CFAP410: variants seen among roughly 807,000 people sequenced by gnomAD.
CFAP410 encodes the protein cilia and flagella associated protein 410.
In CFAP410, 27 loss-of-function variants were observed where a neutral mutation model predicts 25.7. The ratio of observed to expected loss-of-function variants is 1.05; its 90% confidence interval spans 0.77 to 1.45. The LOEUF is 1.45. Among genes scored for constraint, CFAP410 ranks in the 40% most tolerant of loss-of-function variants. The pLI is 0.00. For synonymous variants in CFAP410, 178 were observed against 158.4 expected (o/e 1.12, Z -0.93); for missense variants, 428 against 354.1 (o/e 1.21, Z -1.67).
Position 44,337,657 on chromosome 21 carries a change from G to A in CFAP410, c.88C>T (p.Leu30Phe). The change falls in exon 2 of 7, where the codon CTC becomes TTC. Residue 30 changes from leucine (L) to phenylalanine (F), a missense_variant. Transcript: ENST00000339818. ...VRKLNCWGSR[L>F]TDISICQEMP... ...TGTGAGGCAATACTTACATCTGTGA[G>A]GCGGCTGCCCCTGGGGAGAGAAAAG... 1.9e-6 allele frequency: 3 copies of A among 1,613,072 alleles called. No individual in the cohort carries two copies. The highest frequency in any genetic ancestry group is 1.1e-5 in the South Asian group (1 of 90,912).
At chr21:44,333,645 T>C (rs930247911) in intron 3 of CFAP410, 1 of 323,222 alleles carries the variant, frequency 3.1e-6, no homozygotes, top group Non-Finnish European at 5.8e-6. Context: ...GAAAAACTCA[T>C]GGCAAAAACT....
intron 2 of CFAP410, among the ~76,000 whole-genome samples, chr21:44,337,226 T>C (rs1391238871): frequency 6.6e-6 from 1 of 152,176 alleles, no homozygotes; most frequent in African/African-American, 2.4e-5. Flanking sequence ...GCAGGGCTTA[T>C]TCTCTGCCTG....
Position 44,339,211 on chromosome 21 carries a change from C to T in CFAP410, c.-17G>A, listed in dbSNP as rs1407604820. ...CAGCTTCATGGCGGCCGCCCAGGCC[C>T]GACCGGCGGGCGCCCCCGGCCTCCT... On this transcript the variant is annotated 5_prime_UTR_variant, in exon 1 of 7. Transcript: ENST00000339818. 22 of 1,433,040 alleles carry T rather than the reference C, an allele frequency of 1.5e-5. No individual in the cohort carries two copies. The highest frequency in any genetic ancestry group is 1.9e-5 in the Non-Finnish European group (21 of 1,088,802). The allele number at this position is 1,433,040 out of a possible 1,614,324, so 88.8% of individuals were successfully genotyped here.
rs2047596896 is a variant in CFAP410 at position 44,329,324 on chromosome 21, G to A, written c.*874C>T. ...ACCCCACATGGGACAAGGGCCCAGG[G>A]ACCTGGCTTTCCTACACACCAGCTG... On this transcript the variant is annotated 3_prime_UTR_variant, in exon 7 of 7. Transcript: ENST00000339818. 1 of 152,230 alleles carries A rather than the reference G, an allele frequency of 6.6e-6. No homozygotes were observed. The highest frequency in any genetic ancestry group is 1.5e-5 in the Non-Finnish European group (1 of 68,062). The allele number at this position is 152,230 out of a possible 1,614,324, so 9.4% of individuals were successfully genotyped here. A position where few individuals can be genotyped will look rare whatever the true frequency, so the allele number is the denominator to read the frequency against.
chr21:44,331,860 G>C lies in CFAP410; in HGVS notation c.528C>G (p.Asp176Glu), dbSNP rs147363817. The change falls in exon 5 of 7, where the codon GAC (aspartate) becomes GAG (glutamate). Residue 176 changes from aspartate to glutamate, a missense_variant. Asp to Glu is a conservative substitution (Grantham distance 45). Transcript: ENST00000339818. ...AGCCTCACGTTGCCTCCTCCTCGCTGTCCAGCGGGTCCCGGCCAGTCTCAG... is the reference window on the plus strand; with the variant it reads ...AGCCTCACGTTGCCTCCTCCTCGCTCTCCAGCGGGTCCCGGCCAGTCTCAG... ...SAAETGRDPL[D>E]SEEEATSGAQ... 1.3e-4 allele frequency: 205 copies of C among 1,611,382 alleles called. 2 individuals carry two copies. Among genetic ancestry groups the C allele is most frequent in the Admixed American group, 3.3e-5 (2 of 59,884 alleles).
intron 3 of CFAP410, chr21:44,335,521 C>T (rs1256843941): frequency 5.1e-6 from 3 of 582,684 alleles, no homozygotes; most frequent in East Asian, 2.9e-5. Flanking sequence ...GCAGGGCAGG[C>T]AGGGGACAGG....
intron 1 of CFAP410, chr21:44,338,212 T>C (rs2047789716): frequency 8.6e-7 from 1 of 1,159,114 alleles, no homozygotes; most frequent in Non-Finnish European, 1.1e-6. Context: ...AAAAGCTTTT[T>C]AATTAACAGG....
chr21:44,333,220 C>T lies in CFAP410; in HGVS notation c.186G>A (p.Gln62=), dbSNP rs1443249539. 7 of 1,612,742 alleles carry T rather than the reference C, an allele frequency of 4.3e-6. No homozygotes were observed. Among genetic ancestry groups the T allele is most frequent in the Non-Finnish European group, 1.7e-6 (2 of 1,179,912 alleles). ...ISTLEPVSRC[Q]RLSELYLRRN... ...TCCGCAGGTACAGCTCACTCAGGCG[C>T]TGGCACCGGCTCACAGGCTCCAGGG... The change falls in exon 4 of 7, where the codon CAG becomes CAA. Residue 62 remains glutamine (Q), a synonymous_variant. Coordinates refer to ENST00000339818, the MANE Select transcript of CFAP410 (RefSeq NM_004928.3).
intron 3 of CFAP410, chr21:44,334,517 A>G: frequency 1.4e-5 from 1 of 72,240 alleles, no homozygotes; most frequent in South Asian, 8.3e-5. Flanking sequence ...GGGCACGCGC[A>G]CCCCCCCCCC....
Position 44,331,768 on chromosome 21 carries a change from C to A in CFAP410, c.545+75G>T. Reference sequence around the variant, plus strand: ...TCCCAGAGACGCAGCTCACGGGAAGCCCCATTCACTCCCCGTGGGAGGACC... The same window carrying A: ...TCCCAGAGACGCAGCTCACGGGAAGACCCATTCACTCCCCGTGGGAGGACC... On this transcript the variant is annotated intron_variant, in intron 5 of 6. Coordinates refer to ENST00000339818, the MANE Select transcript of CFAP410 (RefSeq NM_004928.3). The A allele has an allele frequency of 2.1e-6, 3 of 1,410,174 alleles. No homozygotes were observed. In the East Asian group the frequency reaches 7.3e-5, roughly 34 times the overall value. The allele number at this position is 1,410,174 out of a possible 1,614,324, so 87.4% of individuals were successfully genotyped here. A position where few individuals can be genotyped will look rare whatever the true frequency, so the allele number is the denominator to read the frequency against.
At position 44,337,648 on chromosome 21, in the gene CFAP410, C is replaced by A. The variant is rs752137434; in HGVS notation, c.96+1G>T. The A allele has an allele frequency of 3.7e-6, 6 of 1,612,820 alleles. No individual in the cohort carries two copies. The highest frequency in any genetic ancestry group is 3.3e-5 in the South Asian group (3 of 90,928). ...ACTTACATCTGTGAGGCAATACTTA[C>A]ATCTGTGAGGCGGCTGCCCCTGGGG... On this transcript the variant is annotated splice_donor_variant, in intron 2 of 6. Transcript: ENST00000339818. LOFTEE classifies it high-confidence loss of function.
At chr21:44,335,724 C>G (rs202196237) in intron 3 of CFAP410, 34 bp downstream of exon 3, 1 of 1,557,374 alleles carries the variant, frequency 6.4e-7, no homozygotes, top group South Asian at 1.2e-5. Context: ...GGCTTCCAGG[C>G]CCCAGGCTGA....
At chr21:44,332,188 A>C in intron 4 of CFAP410, 174 bp from the exon 5 acceptor site, 1 of 558,922 alleles carries the variant, frequency 1.8e-6, no homozygotes, top group Non-Finnish European at 3.1e-6. Flanking sequence ...TCACTGTCCC[A>C]TCCCCAGCCT....
rs369370304 is a variant in CFAP410, at chr21:44,331,959, C to T, written c.429G>A (p.Ala143=). 4.2e-5 allele frequency: 68 copies of T among 1,613,508 alleles called. No individual in the cohort carries two copies. In the Middle Eastern group the frequency reaches 5.0e-4, roughly 12 times the overall value. Reference sequence around the variant, plus strand: ...GGCCTGTGCCCTCTCTCTCTGGGGCCGCAGTGATCTCCTCTCCCTCACTCA... The same window carrying T: ...GGCCTGTGCCCTCTCTCTCTGGGGCTGCAGTGATCTCCTCTCCCTCACTCA... The part of the protein sequence containing the change: ...RALSEGEEIT[A]APEREGTGHG... The change falls in exon 5 of 7, where the codon GCG becomes GCA. Residue 143 remains alanine, a synonymous_variant. Transcript: ENST00000339818.
chr21:44,333,523 T>C (rs1410306194), intron 3 of CFAP410: 10 of 568,720 alleles, frequency 1.8e-5, no homozygotes, highest in African/African-American at 1.5e-4. Context: ...CCACATCAGC[T>C]CCTCAGGGCG....
intron 5 of CFAP410, 47 bp from the exon 6 acceptor site, chr21:44,330,966 C>CA (rs2047637035): frequency 6.8e-7 from 1 of 1,474,380 alleles, no homozygotes; most frequent in Non-Finnish European, 9.2e-7. Context: ...CTCGTGGCAC[C>CA]GGGGGGGCCT....
At position 44,332,382 on chromosome 21, in the gene CFAP410, A is replaced by G. The variant is rs572026656; in HGVS notation, c.374-368T>C. Reference sequence around the variant, plus strand: ...CCTGAAGTTTATATTATTAATATCAATAAAATTGTCTGGGAGAAAATAGTG... The same window carrying G: ...CCTGAAGTTTATATTATTAATATCAGTAAAATTGTCTGGGAGAAAATAGTG... On this transcript the variant is annotated intron_variant, in intron 4 of 6. Coordinates refer to ENST00000339818, the MANE Select transcript of CFAP410 (RefSeq NM_004928.3). The G allele has an allele frequency of 1.5e-3, 290 of 197,246 alleles. 1 individual carries two copies. Among genetic ancestry groups the G allele is most frequent in the African/African-American group, 6.4e-3 (277 of 43,074 alleles). 12.2% of individuals were successfully genotyped at this position (197,246 alleles called of 1,614,324 possible).
At chr21:44,337,757 C>A in intron 1 of CFAP410, 90 bp from the exon 2 acceptor site, 1 of 1,036,496 alleles carries the variant, frequency 9.6e-7, no homozygotes. Flanking sequence ...CGATGACTCC[C>A]TACAAACCTT....
intron 3 of CFAP410, 103 bp downstream of exon 3, chr21:44,335,655 A>T: frequency 2.2e-6 from 2 of 889,030 alleles, no homozygotes; most frequent in Non-Finnish European, 3.6e-6. Context: ...TCTGTGTTGG[A>T]GGTTTCCAGG....
Sources: gnomAD v4.1 joint callset for allele counts (sites outside exome capture counted in the v4.1 genomes callset) on GRCh38, gnomAD v4.1.1 for gene constraint, MANE v1.5 for transcripts, NCBI Gene and HGNC (gene_info 2026-07-23, HGNC 2026-07-21) for gene names.